Variants in DOCK4 observed in about 807,000 individuals in gnomAD.
DOCK4 encodes the protein dedicator of cytokinesis protein 4.
In DOCK4, 97 loss-of-function variants were observed where a neutral mutation model predicts 268.1. The ratio of observed to expected loss-of-function variants is 0.36; its 90% CI spans 0.31 to 0.43. The LOEUF (loss-of-function observed/expected upper bound fraction) is 0.43, where lower values mean the gene tolerates loss of function less well. Among genes scored for constraint, DOCK4 ranks in the 20% least tolerant of loss-of-function variants. The pLI is 1.00. For missense variants in DOCK4, 2,145 were observed against 2,455.7 expected, an observed-to-expected ratio of 0.87 and a Z score of 2.67; for synonymous variants, 954 against 887.2, an observed-to-expected ratio of 1.08 and a Z score of -1.34.
Position 111,935,585 on chromosome 7 carries a change from T to C in DOCK4, c.1021A>G (p.Ile341Val), listed in dbSNP as rs766176759. ...SEWYQIHENI[I>V]KKLNARYNLT... ...TTATAACGTGCATTCAGCTTTTTGA[T>C]GATGTTCTCATGGATTTGGTACCAC... The change falls in exon 12 of 53, where the codon ATC becomes GTC. Residue 341 changes from isoleucine to valine, a missense_variant. Transcript: ENST00000428084. The C allele has an allele frequency of 2.9e-5, 47 of 1,613,838 alleles. No homozygotes were observed. The highest frequency in any genetic ancestry group is 3.6e-5 in the Non-Finnish European group (43 of 1,179,872).
intron 1 of DOCK4, among the ~76,000 whole-genome samples, chr7:112,110,440 T>C (rs540830091): frequency 2.6e-5 from 4 of 152,316 alleles, no homozygotes; most frequent in South Asian, 2.1e-4. Flanking sequence ...TGACTAGGTA[T>C]GCCAAAAAAC....
chr7:112,104,507 T>C (rs865796941), intron 1 of DOCK4, among the ~76,000 whole-genome samples: 76 of 152,314 alleles, frequency 5.0e-4, no homozygotes, highest in African/African-American at 1.6e-3. Flanking sequence ...GCTCTCTGAT[T>C]GCAAGGTAAG....
intron 26 of DOCK4, among the ~76,000 whole-genome samples, chr7:111,833,759 T>C (rs1161701037): frequency 6.6e-6 from 1 of 152,200 alleles, no homozygotes; most frequent in African/African-American, 2.4e-5. Flanking sequence ...GTACTATCTA[T>C]ATTAAAAAAT....
intron 1 of DOCK4, among the ~76,000 whole-genome samples, chr7:112,025,065 G>C (rs529772909): frequency 3.9e-5 from 6 of 152,298 alleles, no homozygotes; most frequent in African/African-American, 9.6e-5. Flanking sequence ...CTAATCAACA[G>C]AAATGTTGAA....
chr7:112,094,853 C>T (rs1372003623), intron 1 of DOCK4, among the ~76,000 whole-genome samples: 1 of 152,102 alleles, frequency 6.6e-6, no homozygotes, highest in East Asian at 1.9e-4. Flanking sequence ...TCCCTGACCC[C>T]TTGCTCCTGC....
At chr7:111,918,280 A>G (rs1792787625) in intron 12 of DOCK4, among the ~76,000 whole-genome samples, 1 of 152,194 alleles carries the variant, frequency 6.6e-6, no homozygotes, top group Non-Finnish European at 1.5e-5. Flanking sequence ...CGAGAATTAC[A>G]TTAAGTCTGG....
chr7:111,922,636 C>T (rs1461081404), intron 12 of DOCK4, among the ~76,000 whole-genome samples: 2 of 152,096 alleles, frequency 1.3e-5, no homozygotes, highest in African/African-American at 4.8e-5. Context: ...GGCTGGAGTG[C>T]AGTGGTGCGA....
chr7:111,796,464 A>C (rs568763891), intron 30 of DOCK4, among the ~76,000 whole-genome samples: 1 of 152,330 alleles, frequency 6.6e-6, no homozygotes, highest in African/African-American at 2.4e-5. Flanking sequence ...TGTGATGAGG[A>C]AAGTTCTGCC....
intron 1 of DOCK4, among the ~76,000 whole-genome samples, chr7:112,124,047 T>C (rs1812993853): frequency 6.6e-6 from 1 of 151,582 alleles, no homozygotes; most frequent in South Asian, 2.1e-4. Context: ...TTTTTAGAAA[T>C]AGGGTTTTGC....
intron 1 of DOCK4, among the ~76,000 whole-genome samples, chr7:112,066,931 G>A (rs1000277106): frequency 1.3e-5 from 2 of 150,356 alleles, no homozygotes; most frequent in Non-Finnish European, 3.0e-5. Context: ...GACTGCTTGA[G>A]CCCAGGAGTT....
chr7:112,112,656 A>T (rs756592451), intron 1 of DOCK4, among the ~76,000 whole-genome samples: 2 of 151,082 alleles, frequency 1.3e-5, no homozygotes, highest in African/African-American at 2.5e-5. Context: ...AAAAAAAAAC[A>T]AAAGAAGATG....
At chr7:111,964,118 C>T (rs1797182897) in intron 8 of DOCK4, among the ~76,000 whole-genome samples, 1 of 148,708 alleles carries the variant, frequency 6.7e-6, no homozygotes, top group Non-Finnish European at 1.5e-5. Flanking sequence ...AAAAACAGAA[C>T]AGAAAAACTG....
intron 27 of DOCK4, among the ~76,000 whole-genome samples, chr7:111,814,726 T>C (rs1005580744): frequency 6.6e-6 from 1 of 152,174 alleles, no homozygotes; most frequent in African/African-American, 2.4e-5. Flanking sequence ...TAGGACGATT[T>C]GTATGGGGCT....
intron 1 of DOCK4, among the ~76,000 whole-genome samples, chr7:112,063,278 TA>T (rs2135608142): frequency 6.6e-6 from 1 of 152,352 alleles, no homozygotes; most frequent in South Asian, 2.1e-4. Context: ...CACCAGTCTG[TA>T]ATTCGTGGCC....
At chr7:111,853,536 G>A (rs1804752845) in intron 23 of DOCK4, among the ~76,000 whole-genome samples, 1 of 152,194 alleles carries the variant, frequency 6.6e-6, no homozygotes. Context: ...AAGCCTTTCA[G>A]ACACTGGAAT....
intron 8 of DOCK4, among the ~76,000 whole-genome samples, chr7:111,956,133 AC>A (rs899506595): frequency 4.6e-5 from 7 of 152,162 alleles, no homozygotes; most frequent in South Asian, 2.1e-4. Context: ...ATCATTGTAA[AC>A]ACTGTATCTT....
intron 47 of DOCK4, 93 bp downstream of exon 47, chr7:111,741,001 G>A: frequency 6.8e-7 from 1 of 1,462,226 alleles, no homozygotes; most frequent in South Asian, 1.3e-5. Context: ...CTTGCTTGTT[G>A]GTCTGTTCAT....
At chr7:111,735,268 A>T in intron 50 of DOCK4, 101 bp from the exon 51 acceptor site, 1 of 762,884 alleles carries the variant, frequency 1.3e-6, no homozygotes, top group Non-Finnish European at 2.1e-6. Context: ...TGAAAAACTT[A>T]ACTGGATGAA....
intron 2 of DOCK4, 70 bp downstream of exon 2, chr7:112,003,978 C>A: frequency 8.6e-7 from 1 of 1,167,324 alleles, no homozygotes; most frequent in African/African-American, 1.6e-5. Context: ...AGATTAATAG[C>A]GGTATGGACA....
Sources: gnomAD v4.1 joint callset for allele counts (sites outside exome capture counted in the v4.1 genomes callset) on GRCh38, gnomAD v4.1.1 for gene constraint, MANE v1.5 for transcripts, NCBI Gene and HGNC (gene_info 2026-07-23, HGNC 2026-07-21) for gene names.